The following HIKESHI variants were observed in gnomAD, a reference collection of about 807,000 sequenced individuals.
HIKESHI encodes protein Hikeshi.
Under a neutral mutation model 25.7 loss-of-function variants are expected in HIKESHI, and 13 were observed. That is an observed-to-expected ratio of 0.51 (90% CI 0.33 to 0.80). HIKESHI has a LOEUF of 0.80. Ranked by LOEUF, HIKESHI falls within the 30% of genes least tolerant of loss-of-function variation. The pLI, the probability that HIKESHI is intolerant of heterozygous loss-of-function variation, is 0.02. For synonymous variants in HIKESHI, 76 were observed against 78.7 expected (o/e 0.97, Z 0.18); for missense variants, 174 against 229.5 (o/e 0.76, Z 1.56).
At chr11:86,320,575 T>C (rs1565730103) in intron 2 of HIKESHI, among the ~76,000 whole-genome samples, 2 of 152,330 alleles carry the variant, frequency 1.3e-5, no homozygotes, top group Non-Finnish European at 2.9e-5. Flanking sequence ...AAACTCTGTC[T>C]CAAAAAGCAA....
intron 2 of HIKESHI, among the ~76,000 whole-genome samples, chr11:86,328,474 G>A (rs1394593404): frequency 2.7e-5 from 4 of 147,272 alleles, no homozygotes; most frequent in Non-Finnish European, 3.0e-5. Context: ...CTCTGTTGCC[G>A]AGGCTGGTGT....
chr11:86,323,609 G>T (rs75335445), intron 2 of HIKESHI, among the ~76,000 whole-genome samples: 1,693 of 152,270 alleles, frequency 0.011, 32 homozygotes, highest in African/African-American at 0.038. Flanking sequence ...TTGGAATGGG[G>T]CACAGTATTT....
intron 2 of HIKESHI, among the ~76,000 whole-genome samples, chr11:86,308,827 T>G (rs1946755794): frequency 6.6e-6 from 1 of 152,090 alleles, no homozygotes; most frequent in South Asian, 2.1e-4. Flanking sequence ...GTGTTTGGTT[T>G]TCTGTCCTTG....
intron 2 of HIKESHI, chr11:86,326,452 A>G: frequency 2.2e-6 from 1 of 454,636 alleles, no homozygotes; most frequent in Non-Finnish European, 4.4e-6. Flanking sequence ...TGTTAAGTAA[A>G]TTACAGAAGA....
At chr11:86,345,070 T>G (rs887828564) in intron 4 of HIKESHI, 31 of 1,050,522 alleles carry the variant, frequency 3.0e-5, no homozygotes, top group African/African-American at 3.3e-5. Context: ...TGAATCTATT[T>G]TCCAACTTTC....
chr11:86,328,906 TTGTGTG>T (rs139954147), intron 2 of HIKESHI, among the ~76,000 whole-genome samples: 15 of 145,296 alleles, frequency 1.0e-4, no homozygotes, highest in East Asian at 6.3e-4. Flanking sequence ...GTTTTGTGTT[TTGTGTG>T]TGTGTGTGTG....
At chr11:86,303,562 G>T (rs1946549852) in intron 1 of HIKESHI, 2 of 207,192 alleles carry the variant, frequency 9.7e-6, no homozygotes, top group African/African-American at 2.4e-5. Flanking sequence ...CATTAAAATT[G>T]TGTTTCTTAA....
At chr11:86,311,417 C>G (rs150772926) in intron 2 of HIKESHI, among the ~76,000 whole-genome samples, 1 of 152,070 alleles carries the variant, frequency 6.6e-6, no homozygotes, top group Non-Finnish European at 1.5e-5. Context: ...TCCCCTTTAT[C>G]ATTTTTTATT....
intron 3 of HIKESHI, among the ~76,000 whole-genome samples, chr11:86,340,993 T>C (rs1201442506): frequency 6.6e-6 from 1 of 152,228 alleles, no homozygotes; most frequent in African/African-American, 2.4e-5. Flanking sequence ...ACTCTTACAT[T>C]CTACTTCTAT....
intron 2 of HIKESHI, among the ~76,000 whole-genome samples, chr11:86,329,831 T>A (rs185909757): frequency 2.5e-4 from 38 of 152,250 alleles, no homozygotes; most frequent in Admixed American, 4.6e-4. Flanking sequence ...TTATAGTGTT[T>A]ACATGCTATA....
intron 2 of HIKESHI, among the ~76,000 whole-genome samples, chr11:86,319,033 T>C (rs1947073719): frequency 4.0e-5 from 6 of 150,906 alleles, no homozygotes; most frequent in African/African-American, 1.2e-4. Flanking sequence ...CCTCCTGCCT[T>C]AGCCTCCTGA....
At chr11:86,335,019 A>T (rs1006016416) in intron 2 of HIKESHI, among the ~76,000 whole-genome samples, 2 of 152,190 alleles carry the variant, frequency 1.3e-5, no homozygotes, top group African/African-American at 4.8e-5. Flanking sequence ...AAGAAAATAC[A>T]CTGAATCTCA....
chr11:86,319,242 A>ATATATATATATTT (rs1383589741), intron 2 of HIKESHI, among the ~76,000 whole-genome samples: 62 of 94,930 alleles, frequency 6.5e-4, no homozygotes, highest in African/African-American at 2.7e-3. Flanking sequence ...ATATATATAT[A>ATATATATATATTT]TTTTTTTTTT....
At chr11:86,321,484 A>G (rs1456766571) in intron 2 of HIKESHI, among the ~76,000 whole-genome samples, 1 of 151,722 alleles carries the variant, frequency 6.6e-6, no homozygotes, top group Non-Finnish European at 1.5e-5. Context: ...TAAATGTTTT[A>G]CCTTTTAAGA....
intron 2 of HIKESHI, among the ~76,000 whole-genome samples, chr11:86,333,258 G>A (rs539443174): frequency 3.3e-5 from 5 of 152,188 alleles, no homozygotes; most frequent in South Asian, 2.1e-4. Flanking sequence ...ATATGAGGCC[G>A]GGTGCGGTGG....
chr11:86,323,186 A>G (rs1394377414), intron 2 of HIKESHI, among the ~76,000 whole-genome samples: 1 of 152,098 alleles, frequency 6.6e-6, no homozygotes, highest in Admixed American at 6.6e-5. Context: ...ATCTGCAATC[A>G]TACCATTGCA....
At chr11:86,314,507 C>T (rs990468696) in intron 2 of HIKESHI, among the ~76,000 whole-genome samples, 3 of 151,862 alleles carry the variant, frequency 2.0e-5, no homozygotes, top group African/African-American at 2.4e-5. Context: ...CCCAGCTACT[C>T]GGGAGACTGA....
chr11:86,303,320 A>C (rs1946542414), intron 1 of HIKESHI: 1 of 744,604 alleles, frequency 1.3e-6, no homozygotes, highest in Non-Finnish European at 1.6e-6. Context: ...TTTTCCCATC[A>C]AGTTTTGATA....
chr11:86,336,243 G>A (rs1947555535), intron 2 of HIKESHI, among the ~76,000 whole-genome samples: 1 of 152,194 alleles, frequency 6.6e-6, no homozygotes, highest in Admixed American at 6.5e-5. Context: ...GCACCAACAT[G>A]CACAGCAGAC....
Sources: gnomAD v4.1 joint callset for allele counts (sites outside exome capture counted in the v4.1 genomes callset) on GRCh38, gnomAD v4.1.1 for gene constraint, MANE v1.5 for transcripts, NCBI Gene and HGNC (gene_info 2026-07-23, HGNC 2026-07-21) for gene names.